The following CD109 variants were observed in gnomAD, a reference collection of about 807,000 sequenced individuals.
CD109 encodes the protein CD109 molecule.
A neutral mutation model predicts 165.8 loss-of-function variants in CD109; 149 were observed. The observed-to-expected ratio is 0.90, with a 90% CI of 0.79 to 1.03. CD109 has a LOEUF of 1.03. Ranked by LOEUF, CD109 falls within the 50% of genes least tolerant of loss-of-function variation. The probability of loss-of-function intolerance (pLI) is 0.00; values close to 1 mark genes in which losing one functional copy is unlikely to be tolerated. For missense variants in CD109, 1,712 were observed against 1,677.8 expected, an observed-to-expected ratio of 1.02 and a Z score of -0.36; for synonymous variants, 585 against 592.1, an observed-to-expected ratio of 0.99 and a Z score of 0.18.
chr6:73,736,610 T>C, intron 5 of CD109, 102 bp downstream of exon 5: 1 of 966,808 alleles, frequency 1.0e-6, no homozygotes, highest in South Asian at 1.9e-5. Context: ...AGAAAAAAAT[T>C]AATGTGAACA....
upstream of CD109, chr6:73,694,715 G>C (rs185059018): frequency 6.6e-6 from 1 of 152,322 alleles, no homozygotes; most frequent in East Asian, 1.9e-4. Flanking sequence ...GTTTTCATGT[G>C]ATTCTCACAC....
intron 5 of CD109, among the ~76,000 whole-genome samples, chr6:73,753,268 C>A (rs1347795041): frequency 6.6e-6 from 1 of 152,120 alleles, no homozygotes; most frequent in East Asian, 1.9e-4. Context: ...GTTTGCAGAT[C>A]CCTGTTCTAG....
intron 22 of CD109, among the ~76,000 whole-genome samples, chr6:73,790,958 A>T (rs904598670): frequency 6.6e-6 from 1 of 151,832 alleles, no homozygotes; most frequent in Non-Finnish European, 1.5e-5. Flanking sequence ...ATAACTGAAG[A>T]AAACATTTTA....
Position 73,825,057 on chromosome 6 carries a change from G to A in CD109, c.*1424G>A, listed in dbSNP as rs974946299. Reference sequence around the variant, plus strand: ...TCCATCAAAAATAAAGTATGCAAATGTATCTTTTAAAGTTAATTTTTAAAA... The same window carrying A: ...TCCATCAAAAATAAAGTATGCAAATATATCTTTTAAAGTTAATTTTTAAAA... On this transcript the variant is annotated 3_prime_UTR_variant, in exon 33 of 33. Coordinates refer to ENST00000287097, the MANE Select transcript of CD109 (RefSeq NM_133493.5). 1.3e-5 allele frequency: 2 copies of A among 152,024 alleles called. No individual in the cohort carries two copies. The highest frequency in any genetic ancestry group is 2.9e-5 in the Non-Finnish European group (2 of 68,018). The allele number at this position is 152,024 out of a possible 1,614,324, so 9.4% of individuals were successfully genotyped here. A position where few individuals can be genotyped will look rare whatever the true frequency, so the allele number is the denominator to read the frequency against.
chr6:73,737,135 T>C (rs1772577329), intron 5 of CD109, among the ~76,000 whole-genome samples: 1 of 152,232 alleles, frequency 6.6e-6, no homozygotes, highest in South Asian at 2.1e-4. Flanking sequence ...CTGTTTTATG[T>C]GATATAAATT....
intron 5 of CD109, among the ~76,000 whole-genome samples, chr6:73,755,091 T>C (rs1196284427): frequency 6.6e-6 from 1 of 152,234 alleles, no homozygotes; most frequent in Admixed American, 6.5e-5. Context: ...ACTTAAAGAC[T>C]AGCATTCTTA....
chr6:73,806,907 T>A lies in CD109; in HGVS notation c.3024T>A (p.Asn1008Lys). Residue 1008 changes from asparagine (N) to lysine (K), a missense_variant, in exon 25 of 33, where the codon AAT (asparagine) becomes AAA (lysine). By Grantham distance (94) the Asn-to-Lys change is moderately conservative. Coordinates refer to ENST00000287097, the MANE Select transcript of CD109 (RefSeq NM_133493.5). ...EADPYIDIDQ[N>K]VLHRTYTWLK... ...ATCCTTACATAGATATTGATCAGAA[T>A]GTGTTACACAGAACATACACTTGGC... is the stretch of plus-strand genomic sequence containing the variant. 1 of 1,613,992 alleles carries A rather than the reference T, an allele frequency of 6.2e-7. No homozygotes were observed. The highest frequency in any genetic ancestry group is 8.5e-7 in the Non-Finnish European group (1 of 1,179,958).
intron 25 of CD109, among the ~76,000 whole-genome samples, chr6:73,807,604 T>C (rs1440500609): frequency 6.6e-6 from 1 of 152,158 alleles, no homozygotes; most frequent in African/African-American, 2.4e-5. Flanking sequence ...GTCCTGGTGA[T>C]TGATGCCTTT....
chr6:73,731,107 C>G (rs1267094904), intron 4 of CD109, among the ~76,000 whole-genome samples: 4 of 151,838 alleles, frequency 2.6e-5, no homozygotes, highest in Non-Finnish European at 5.9e-5. Context: ...AGTGCAATGG[C>G]ACGATCTTGG....
rs923744479 is a variant in CD109, at chr6:73,826,378, C to A, written c.*2745C>A. 2 of 152,092 alleles carry A rather than the reference C, an allele frequency of 1.3e-5. No homozygotes were observed. The highest frequency in any genetic ancestry group is 1.3e-4 in the Admixed American group (2 of 15,258). 9.4% of individuals were successfully genotyped at this position (152,092 alleles called of 1,614,324 possible). A position where few individuals can be genotyped will look rare whatever the true frequency, so the allele number is the denominator to read the frequency against. On this transcript the variant is annotated 3_prime_UTR_variant, in exon 33 of 33. Transcript: ENST00000287097. ...GTCATTTACTGGTATGAACTAAAGT[C>A]CCCCTTCTTTTCCACTCACTGGGAA...
chr6:73,772,051 C>T (rs1774054596), intron 15 of CD109, among the ~76,000 whole-genome samples: 1 of 152,030 alleles, frequency 6.6e-6, no homozygotes, highest in Non-Finnish European at 1.5e-5. Context: ...ATAAAAAATG[C>T]CACCTATAGT....
At chr6:73,792,134 C>T (rs1360250655) in intron 22 of CD109, among the ~76,000 whole-genome samples, 2 of 152,054 alleles carry the variant, frequency 1.3e-5, no homozygotes, top group Non-Finnish European at 2.9e-5. Context: ...AATTGAAATA[C>T]TTATATTTGT....
chr6:73,714,108 C>T (rs1383369178), intron 2 of CD109, among the ~76,000 whole-genome samples: 7 of 152,078 alleles, frequency 4.6e-5, no homozygotes, highest in South Asian at 2.1e-4. Flanking sequence ...TTTGTTGGGG[C>T]GAAGCTCACT....
chr6:73,689,780 A>T, the CD109 span, among the ~76,000 whole-genome samples: 1 of 152,190 alleles, frequency 6.6e-6, no homozygotes, highest in African/African-American at 2.4e-5. Flanking sequence ...CACATATTTC[A>T]TCAAATCTAA....
intron 2 of CD109, among the ~76,000 whole-genome samples, chr6:73,706,322 T>C (rs1167369214): frequency 1.3e-5 from 2 of 152,004 alleles, no homozygotes; most frequent in East Asian, 3.9e-4. Context: ...CACCGCTGGA[T>C]TGTAGGAAAT....
chr6:73,711,780 G>A, intron 2 of CD109, among the ~76,000 whole-genome samples: 1 of 117,622 alleles, frequency 8.5e-6, no homozygotes, highest in East Asian at 2.2e-4. Context: ...CTCGTGATCC[G>A]CCCGCCTCGG....
intron 4 of CD109, among the ~76,000 whole-genome samples, chr6:73,734,991 A>G (rs1215393867): frequency 1.3e-5 from 2 of 152,210 alleles, no homozygotes; most frequent in African/African-American, 2.4e-5. Flanking sequence ...ACCTCTGCCT[A>G]TTGGAGGCAT....
At chr6:73,794,431 A>G (rs1216945984) in intron 23 of CD109, among the ~76,000 whole-genome samples, 1 of 152,166 alleles carries the variant, frequency 6.6e-6, no homozygotes, top group Non-Finnish European at 1.5e-5. Context: ...TTGATAAAAT[A>G]TTAAGGGAGG....
chr6:73,741,137 CA>C (rs5877381), intron 5 of CD109, among the ~76,000 whole-genome samples: 13,357 of 151,460 alleles, frequency 0.088, 766 homozygotes, highest in Non-Finnish European at 0.12. Context: ...AATCAAATTG[CA>C]AAGAAACTCT....
Sources: allele counts gnomAD v4.1 joint callset (sites outside exome capture counted in the v4.1 genomes callset), GRCh38; gene constraint gnomAD v4.1.1; transcripts MANE v1.5; gene names NCBI Gene and HGNC (gene_info 2026-07-23, HGNC 2026-07-21).